The following INPP4B variants were observed in gnomAD, a reference collection of about 807,000 sequenced individuals.
INPP4B encodes inositol polyphosphate 4-phosphatase type II.
INPP4B carries 55 observed loss-of-function variants against 122.5 expected under a neutral mutation model. The observed-to-expected ratio is 0.45, with a 90% CI of 0.36 to 0.56. INPP4B has a LOEUF of 0.56. Ranked by LOEUF, INPP4B falls within the 20% of genes least tolerant of loss-of-function variation. INPP4B has a pLI of 0.00. For missense variants in INPP4B, 1,000 were observed against 1,097.7 expected (o/e 0.91, Z 1.26); for synonymous variants, 403 against 388.7 (o/e 1.04, Z -0.43).
intron 2 of INPP4B, among the ~76,000 whole-genome samples, chr4:142,679,857 T>C (rs567308478): frequency 7.9e-5 from 12 of 151,720 alleles, no homozygotes; most frequent in Non-Finnish European, 1.0e-4. Flanking sequence ...TGGGCATTAA[T>C]AGAGCTGTAT....
At chr4:142,598,428 GC>G (rs1739175566) in intron 2 of INPP4B, among the ~76,000 whole-genome samples, 1 of 152,124 alleles carries the variant, frequency 6.6e-6, no homozygotes, top group African/African-American at 2.4e-5. Flanking sequence ...TGAGAAAATA[GC>G]CATCACAGGA....
At chr4:142,184,560 A>G (rs1425306089) in intron 15 of INPP4B, among the ~76,000 whole-genome samples, 1 of 152,038 alleles carries the variant, frequency 6.6e-6, no homozygotes, top group East Asian at 1.9e-4. Context: ...CTTTGATGTT[A>G]CTCATTCATT....
chr4:142,488,801 T>C (rs1821499617), intron 2 of INPP4B, among the ~76,000 whole-genome samples: 1 of 152,128 alleles, frequency 6.6e-6, no homozygotes, highest in Admixed American at 6.6e-5. Flanking sequence ...TGCATCCTTC[T>C]GATTGATCTT....
At chr4:142,496,827 A>G (rs2149802959) in intron 2 of INPP4B, 1 of 152,228 alleles carries the variant, frequency 6.6e-6, no homozygotes, top group South Asian at 2.1e-4. Context: ...TAACTTCATC[A>G]CAACAGTGAA....
At chr4:142,043,184 C>G (rs1749225787) in intron 25 of INPP4B, among the ~76,000 whole-genome samples, 1 of 152,134 alleles carries the variant, frequency 6.6e-6, no homozygotes, top group South Asian at 2.1e-4. Context: ...TTTAATTCCA[C>G]TCTACCATGC....
chr4:142,300,666 T>A (rs1247059222), intron 9 of INPP4B, among the ~76,000 whole-genome samples: 1 of 152,164 alleles, frequency 6.6e-6, no homozygotes, highest in African/African-American at 2.4e-5. Flanking sequence ...GGTATACATA[T>A]AAATACTACA....
At chr4:142,486,925 G>C (rs1410026030) in intron 2 of INPP4B, among the ~76,000 whole-genome samples, 1 of 152,078 alleles carries the variant, frequency 6.6e-6, no homozygotes, top group Non-Finnish European at 1.5e-5. Flanking sequence ...ATTGTATTTT[G>C]GACTACTGAC....
chr4:142,529,457 G>T (rs552905082), intron 2 of INPP4B, among the ~76,000 whole-genome samples: 1 of 152,040 alleles, frequency 6.6e-6, no homozygotes, highest in East Asian at 1.9e-4. Context: ...AAACATTAAA[G>T]ATACCTAGGG....
intron 2 of INPP4B, among the ~76,000 whole-genome samples, chr4:142,554,848 G>A (rs1728799538): frequency 6.6e-6 from 1 of 152,300 alleles, no homozygotes; most frequent in East Asian, 1.9e-4. Context: ...AAAAGAGTTT[G>A]AAAAATGATG....
chr4:142,264,541 G>T (rs1469329527), intron 10 of INPP4B, among the ~76,000 whole-genome samples: 1 of 152,084 alleles, frequency 6.6e-6, no homozygotes, highest in Non-Finnish European at 1.5e-5. Flanking sequence ...ATATATTGAA[G>T]TTTGAAACAA....
intron 1 of INPP4B, among the ~76,000 whole-genome samples, chr4:142,784,192 G>A (rs1258270228): frequency 3.3e-5 from 5 of 151,726 alleles, no homozygotes; most frequent in Admixed American, 2.0e-4. Flanking sequence ...GTGAAACCCC[G>A]TCTCTACTAA....
intron 11 of INPP4B, among the ~76,000 whole-genome samples, chr4:142,248,017 G>T (rs1044394672): frequency 2.0e-5 from 3 of 152,000 alleles, no homozygotes; most frequent in African/African-American, 4.8e-5. Flanking sequence ...GGGAAAGAAG[G>T]CATCACCCCT....
intron 25 of INPP4B, among the ~76,000 whole-genome samples, chr4:142,054,169 C>A (rs1465731551): frequency 6.6e-6 from 1 of 151,920 alleles, no homozygotes; most frequent in African/African-American, 2.4e-5. Context: ...GCTCTGTCAA[C>A]CTCTGTTAAG....
chr4:142,420,325 G>A (rs533321996), intron 5 of INPP4B, among the ~76,000 whole-genome samples: 31 of 152,122 alleles, frequency 2.0e-4, no homozygotes, highest in African/African-American at 7.5e-4. Context: ...TCCTGGCAAG[G>A]AGAAGTGGGA....
chr4:142,512,635 T>C (rs137992594), intron 2 of INPP4B, among the ~76,000 whole-genome samples: 1 of 152,304 alleles, frequency 6.6e-6, no homozygotes, highest in Non-Finnish European at 1.5e-5. Context: ...TGTTCCTTTC[T>C]TTGCTGTCTT....
intron 7 of INPP4B, among the ~76,000 whole-genome samples, chr4:142,356,462 A>G (rs1309894964): frequency 6.6e-6 from 1 of 151,768 alleles, no homozygotes; most frequent in Non-Finnish European, 1.5e-5. Context: ...TCCATCCAGA[A>G]CTCAAGGGTT....
chr4:142,259,649 C>T (rs1431492536), intron 11 of INPP4B, among the ~76,000 whole-genome samples: 3 of 151,588 alleles, frequency 2.0e-5, no homozygotes, highest in Non-Finnish European at 4.4e-5. Context: ...ACTTTATACA[C>T]TTTTAAATTT....
rs28798073 is a variant in INPP4B, at chr4:142,659,322, C to T, written c.-191+66517G>A. The stretch of plus-strand genomic sequence containing the variant: ...CCCGGATGCTGAGGCAGAAGAATGG[C>T]GTGAACCCGGGAGGTGGAGCTTGCA... On this transcript the variant is annotated intron_variant, in intron 2 of 25. Coordinates refer to ENST00000262992, the MANE Select transcript of INPP4B (RefSeq NM_001101669.3). Among the ~76,000 whole-genome samples, 345 of 151,520 alleles carry T rather than the reference C, an allele frequency of 2.3e-3. 1 individual carries two copies. Among genetic ancestry groups the T allele is most frequent in the African/African-American group, 7.8e-3 (320 of 41,256 alleles).
intron 2 of INPP4B, among the ~76,000 whole-genome samples, chr4:142,574,889 C>T (rs769365816): frequency 6.6e-6 from 1 of 152,012 alleles, no homozygotes; most frequent in Non-Finnish European, 1.5e-5. Context: ...TGAAGCTTCA[C>T]ACAGGCAGGC....
Sources: allele counts gnomAD v4.1 joint callset (sites outside exome capture counted in the v4.1 genomes callset), GRCh38; gene constraint gnomAD v4.1.1; transcripts MANE v1.5; gene names NCBI Gene and HGNC (gene_info 2026-07-23, HGNC 2026-07-21).